Variants in SGCD observed in about 807,000 individuals in gnomAD.
SGCD encodes sarcoglycan delta.
In SGCD, 18 loss-of-function variants were observed where a neutral mutation model predicts 36.6. That is an observed-to-expected ratio of 0.49 (90% confidence interval 0.34 to 0.73). The LOEUF is 0.73. SGCD is among the 30% of genes least tolerant of loss of function. The pLI is 0.01. For missense variants in SGCD, 387 were observed against 346.7 expected, an observed-to-expected ratio of 1.12 and a Z score of -0.92; for synonymous variants, 133 against 130.6, an observed-to-expected ratio of 1.02 and a Z score of -0.12.
intron 3 of SGCD, among the ~76,000 whole-genome samples, chr5:156,435,791 A>G (rs1322053480): frequency 1.3e-5 from 2 of 152,180 alleles, no homozygotes; most frequent in African/African-American, 4.8e-5. Context: ...AATACTTCTG[A>G]AGAGAGGTTG....
At chr5:156,050,444 A>G (rs372098220) in intron 1 of SGCD, among the ~76,000 whole-genome samples, 1 of 146,802 alleles carries the variant, frequency 6.8e-6, no homozygotes, top group East Asian at 1.9e-4. Flanking sequence ...TGTAAACATA[A>G]CTTTTCCATG....
intron 3 of SGCD, among the ~76,000 whole-genome samples, chr5:156,141,968 A>T (rs1762592224): frequency 1.3e-5 from 2 of 152,148 alleles, no homozygotes; most frequent in African/African-American, 4.8e-5. Flanking sequence ...TATGGTTTGG[A>T]TCTCTGTCTC....
chr5:156,732,372 G>T (rs1756124628), intron 7 of SGCD, among the ~76,000 whole-genome samples: 1 of 152,114 alleles, frequency 6.6e-6, no homozygotes, highest in Non-Finnish European at 1.5e-5. Flanking sequence ...TGTTGTTTTT[G>T]TCTTTAGTTC....
intron 3 of SGCD, among the ~76,000 whole-genome samples, chr5:156,452,522 G>A (rs1754065570): frequency 1.3e-5 from 2 of 152,172 alleles, no homozygotes; most frequent in South Asian, 2.1e-4. Context: ...AATCCAAATT[G>A]TGCAGAAACA....
intron 3 of SGCD, among the ~76,000 whole-genome samples, chr5:156,481,545 C>T (rs189970723): frequency 6.6e-6 from 1 of 152,286 alleles, no homozygotes; most frequent in African/African-American, 2.4e-5. Flanking sequence ...CCCAAAATAG[C>T]CCGTGGGTGC....
chr5:156,265,880 C>T (rs1581205657), intron 3 of SGCD, among the ~76,000 whole-genome samples: 1 of 152,192 alleles, frequency 6.6e-6, no homozygotes, highest in African/African-American at 2.4e-5. Flanking sequence ...GCGATTTTCT[C>T]ACGAATCAGC....
At chr5:156,720,011 C>T (rs1755417562) in intron 7 of SGCD, among the ~76,000 whole-genome samples, 1 of 152,160 alleles carries the variant, frequency 6.6e-6, no homozygotes, top group African/African-American at 2.4e-5. Context: ...CTTACTGCTC[C>T]TTCCAGGTAC....
chr5:156,252,297 G>A (rs1444184599), intron 3 of SGCD, among the ~76,000 whole-genome samples: 1 of 151,448 alleles, frequency 6.6e-6, no homozygotes, highest in Non-Finnish European at 1.5e-5. Flanking sequence ...GGGTGGTCTC[G>A]AACTTCCAGC....
intron 3 of SGCD, among the ~76,000 whole-genome samples, chr5:156,399,839 G>A (rs375540925): frequency 1.5e-4 from 23 of 152,070 alleles, no homozygotes; most frequent in South Asian, 4.1e-4. Context: ...ATCTAACGTC[G>A]TATTTCTGGG....
intron 3 of SGCD, among the ~76,000 whole-genome samples, chr5:156,489,548 A>T (rs1417136024): frequency 6.6e-6 from 1 of 152,134 alleles, no homozygotes; most frequent in Non-Finnish European, 1.5e-5. Context: ...GCAATGAAAA[A>T]AATAGAAGTT....
Position 156,757,575 on chromosome 5 carries a change from T to G in SGCD, c.576-6T>G. 6.3e-7 allele frequency: 1 copy of G among 1,580,272 alleles called. No individual in the cohort carries two copies. Among genetic ancestry groups the G allele is most frequent in the Non-Finnish European group, 8.6e-7 (1 of 1,156,844 alleles). On this transcript the variant is annotated splice_region_variant and splice_polypyrimidine_tract_variant and intron_variant, in intron 7 of 8. Coordinates refer to ENST00000337851, the MANE Select transcript of SGCD (RefSeq NM_000337.6). Reference sequence around the variant, plus strand: ...ATCTTTATTGACGATCTTGGGTGTTTTTCAGGTTGGAGTCCCCAACCCGGT... The same window carrying G: ...ATCTTTATTGACGATCTTGGGTGTTGTTCAGGTTGGAGTCCCCAACCCGGT...
chr5:156,237,456 C>G (rs570138084), intron 3 of SGCD, among the ~76,000 whole-genome samples: 1 of 152,062 alleles, frequency 6.6e-6, no homozygotes, highest in Non-Finnish European at 1.5e-5. Flanking sequence ...GAAACCCCCT[C>G]TCTACTAAAA....
intron 1 of SGCD, among the ~76,000 whole-genome samples, chr5:155,903,999 A>G (rs897612504): frequency 6.6e-6 from 1 of 152,130 alleles, no homozygotes; most frequent in Non-Finnish European, 1.5e-5. Flanking sequence ...ACTATCAGAG[A>G]GGAGAGGTCC....
intron 7 of SGCD, among the ~76,000 whole-genome samples, chr5:156,717,522 A>G (rs1755282053): frequency 6.6e-6 from 1 of 152,230 alleles, no homozygotes; most frequent in Non-Finnish European, 1.5e-5. Flanking sequence ...ATGCTTTGAC[A>G]TCATGGGGGA....
chr5:156,330,462 T>G (rs1387801690), intron 2 of SGCD, among the ~76,000 whole-genome samples: 1 of 152,254 alleles, frequency 6.6e-6, no homozygotes, highest in Non-Finnish European at 1.5e-5. Context: ...CTCTGAATTG[T>G]TTTCTGTTTT....
intron 3 of SGCD, among the ~76,000 whole-genome samples, chr5:156,463,877 G>A (rs1754605956): frequency 6.6e-6 from 1 of 152,130 alleles, no homozygotes; most frequent in East Asian, 1.9e-4. Context: ...GATTGCTTTA[G>A]CCCAGGAGGT....
chr5:156,712,424 T>C (rs571498099), intron 7 of SGCD, among the ~76,000 whole-genome samples: 1 of 152,332 alleles, frequency 6.6e-6, no homozygotes, highest in East Asian at 1.9e-4. Flanking sequence ...TCTTATGAAG[T>C]CATATTCAAA....
chr5:156,229,277 C>CACATATATATATATATATAT (rs1554085595), intron 3 of SGCD, among the ~76,000 whole-genome samples: 4,903 of 56,248 alleles, frequency 0.087, 448 homozygotes, highest in Non-Finnish European at 0.13. Context: ...TATATACATA[C>CACATATATATATATATATAT]ATATATATAT....
chr5:156,075,192 C>CAAA (rs111372223), intron 1 of SGCD, among the ~76,000 whole-genome samples: 144 of 147,338 alleles, frequency 9.8e-4, no homozygotes, highest in Middle Eastern at 3.5e-3. Context: ...GTCAAATTTA[C>CAAA]AAAAAAAAAA....
Sources: allele counts gnomAD v4.1 joint callset (sites outside exome capture counted in the v4.1 genomes callset), GRCh38; gene constraint gnomAD v4.1.1; transcripts MANE v1.5; gene names NCBI Gene and HGNC (gene_info 2026-07-23, HGNC 2026-07-21).